Variants in REPS1 observed in about 807,000 individuals in gnomAD.
The protein encoded by REPS1 is RALBP1 associated Eps domain containing 1.
In REPS1, 39 loss-of-function variants were observed where a neutral mutation model predicts 100.9. The ratio of observed to expected loss-of-function variants is 0.39; its 90% CI spans 0.30 to 0.50. REPS1 has a LOEUF of 0.50. REPS1 is among the 20% of genes least tolerant of loss of function. The probability of loss-of-function intolerance (pLI) is 0.86; values close to 1 mark genes in which losing one functional copy is unlikely to be tolerated. For missense variants in REPS1, 821 were observed against 968.5 expected (o/e 0.85, Z 2.02); for synonymous variants, 324 against 340.3 (o/e 0.95, Z 0.53).
intron 8 of REPS1, chr6:138,934,445 C>T (rs1343279060): frequency 2.4e-6 from 1 of 413,256 alleles, no homozygotes; most frequent in Non-Finnish European, 5.2e-6. Context: ...AGTATGATCA[C>T]ACTGACCTAC....
At chr6:138,984,799 C>T (rs1284994559) in intron 1 of REPS1, among the ~76,000 whole-genome samples, 2 of 152,206 alleles carry the variant, frequency 1.3e-5, no homozygotes, top group East Asian at 3.9e-4. Context: ...CTGTTACCTA[C>T]ACAATTAGTT....
At chr6:138,955,959 T>C (rs866072048) in intron 1 of REPS1, among the ~76,000 whole-genome samples, 4 of 152,186 alleles carry the variant, frequency 2.6e-5, no homozygotes, top group African/African-American at 9.6e-5. Flanking sequence ...TTCCATTTAC[T>C]ACCCTGATCA....
intron 12 of REPS1, among the ~76,000 whole-genome samples, 191 bp from the exon 13 acceptor site, chr6:138,917,818 C>T (rs1562517375): frequency 6.6e-6 from 1 of 152,060 alleles, no homozygotes; most frequent in African/African-American, 2.4e-5. Flanking sequence ...CATATTTACA[C>T]AGTAGACAAA....
intron 1 of REPS1, among the ~76,000 whole-genome samples, chr6:138,971,521 AATTT>A (rs1562564345): frequency 6.6e-6 from 1 of 152,010 alleles, no homozygotes; most frequent in East Asian, 1.9e-4. Context: ...ATTCTACCAT[AATTT>A]ATTTCTTTAG....
intron 1 of REPS1, among the ~76,000 whole-genome samples, chr6:138,959,626 G>A (rs1783612524): frequency 1.3e-5 from 2 of 152,204 alleles, no homozygotes; most frequent in South Asian, 2.1e-4. Context: ...TGCCTTAAAA[G>A]CCTAGTCTGA....
chr6:138,913,910 T>A (rs1211678942), intron 15 of REPS1, among the ~76,000 whole-genome samples: 5 of 152,222 alleles, frequency 3.3e-5, no homozygotes, highest in African/African-American at 1.2e-4. Flanking sequence ...ATTTCATGTA[T>A]AATGTGATCC....
At chr6:138,967,827 C>T (rs9403018) in intron 1 of REPS1, among the ~76,000 whole-genome samples, 5 of 152,042 alleles carry the variant, frequency 3.3e-5, no homozygotes, top group African/African-American at 7.2e-5. Flanking sequence ...AAGTACCAGG[C>T]GCTGTTCCTG....
intron 8 of REPS1, among the ~76,000 whole-genome samples, chr6:138,931,278 T>C (rs1781470619): frequency 6.6e-6 from 1 of 152,190 alleles, no homozygotes; most frequent in Non-Finnish European, 1.5e-5. Context: ...CAGTAAATCC[T>C]TTAAGTTTTA....
At chr6:138,910,620 C>CT (rs1779943618) in intron 17 of REPS1, among the ~76,000 whole-genome samples, 1 of 152,190 alleles carries the variant, frequency 6.6e-6, no homozygotes, top group Non-Finnish European at 1.5e-5. Flanking sequence ...TCTCAAAGTG[C>CT]TGGGATTACT....
chr6:138,987,951 C>T lies in REPS1; in HGVS notation c.-269G>A, dbSNP rs1785377520. On this transcript the variant is annotated 5_prime_UTR_variant, in exon 1 of 20. Coordinates refer to ENST00000450536, the MANE Select transcript of REPS1 (RefSeq NM_001286611.2). The stretch of plus-strand genomic sequence containing the variant: ...GCGACTACGGCTCCGGCTCCGGCTC[C>T]GGCTCCGGCCGCGGGGAGGGTGCAG... The T allele has an allele frequency of 2.6e-6, 1 of 378,556 alleles. No homozygotes were observed. The highest frequency in any genetic ancestry group is 1.3e-4 in the South Asian group (1 of 7,804). The allele number at this position is 378,556 out of a possible 1,614,324, so 23.4% of individuals were successfully genotyped here.
At chr6:138,949,038 A>C (rs558058742) in intron 1 of REPS1, among the ~76,000 whole-genome samples, 65 of 152,358 alleles carry the variant, frequency 4.3e-4, no homozygotes, top group African/African-American at 1.5e-3. Context: ...CATCAAGGGA[A>C]CTATGAGGAA....
chr6:138,929,910 C>A, intron 9 of REPS1, 67 bp downstream of exon 9: 2 of 1,516,388 alleles, frequency 1.3e-6, no homozygotes, highest in Non-Finnish European at 9.1e-7. Context: ...ACTGAAATTG[C>A]CCTCTTTGGA....
chr6:138,954,305 G>C (rs1379274943), intron 1 of REPS1, among the ~76,000 whole-genome samples: 3 of 151,984 alleles, frequency 2.0e-5, no homozygotes, highest in Non-Finnish European at 4.4e-5. Flanking sequence ...CACATAGCTA[G>C]GGGAAGGATA....
intron 7 of REPS1, 121 bp from the exon 8 acceptor site, chr6:138,941,610 C>T (rs1782252543): frequency 1.1e-6 from 1 of 921,754 alleles, no homozygotes; most frequent in Non-Finnish European, 1.6e-6. Flanking sequence ...TTATAAAAAT[C>T]CCATACACAG....
intron 8 of REPS1, among the ~76,000 whole-genome samples, chr6:138,937,618 G>A (rs1166632278): frequency 6.6e-6 from 1 of 152,204 alleles, no homozygotes; most frequent in Non-Finnish European, 1.5e-5. Flanking sequence ...GTGTAAAGTA[G>A]GGATCATGCA....
Position 138,917,601 on chromosome 6 carries a change from A to G in REPS1, c.1555T>C (p.Phe519Leu). The change falls in exon 13 of 20, where the codon TTT (phenylalanine) becomes CTT (leucine). Residue 519 changes from phenylalanine (F) to leucine (L), a missense_variant. Around this residue, in one of 3 missense-constraint regions of REPS1, gnomAD observed 757 missense variants for 866.4 expected, o/e 0.87. Transcript: ENST00000450536. ...CCGATCTGTTCTGGGTCAGAAGTAA[A>G]AGAGTCTGAACTACTGTAACCATCT... ...VADGYSSSDS[F>L]TSDPEQIGSN... 6.8e-6 allele frequency: 11 copies of G among 1,613,604 alleles called. No individual in the cohort carries two copies. The highest frequency in any genetic ancestry group is 8.5e-6 in the Non-Finnish European group (10 of 1,179,706).
intron 1 of REPS1, among the ~76,000 whole-genome samples, chr6:138,974,232 C>T (rs1367051917): frequency 6.6e-6 from 1 of 152,142 alleles, no homozygotes; most frequent in Non-Finnish European, 1.5e-5. Context: ...GATAACTAAA[C>T]CTCAAGAAAT....
chr6:138,945,776 A>T, intron 2 of REPS1, 79 bp from the exon 3 acceptor site: 1 of 1,187,550 alleles, frequency 8.4e-7, no homozygotes, highest in Non-Finnish European at 1.1e-6. Flanking sequence ...CATGAATTAG[A>T]TATTAGAATT....
chr6:138,974,881 C>T (rs73564723), intron 1 of REPS1, among the ~76,000 whole-genome samples: 13,325 of 151,860 alleles, frequency 0.088, 1,221 homozygotes, highest in African/African-American at 0.23. Context: ...TCCTAGCTAC[C>T]TGGGAAGCTG....
Sources: allele counts gnomAD v4.1 joint callset (sites outside exome capture counted in the v4.1 genomes callset), GRCh38; gene constraint gnomAD v4.1.1; regional missense constraint gnomAD v4.1.1; transcripts MANE v1.5; gene names NCBI Gene and HGNC (gene_info 2026-07-23, HGNC 2026-07-21).